The following PTPRD variants were observed in gnomAD, a reference collection of about 807,000 sequenced individuals.
PTPRD encodes receptor-type tyrosine-protein phosphatase delta.
PTPRD carries 34 observed loss-of-function variants against 214.5 expected under a neutral mutation model. The ratio of observed to expected loss-of-function variants is 0.16; its 90% CI spans 0.12 to 0.21. The LOEUF (loss-of-function observed/expected upper bound fraction) is 0.21, where lower values mean the gene tolerates loss of function less well. PTPRD is among the 10% of genes least tolerant of loss of function. The pLI, the probability that PTPRD is intolerant of heterozygous loss-of-function variation, is 1.00. For missense variants in PTPRD, 2,545 were observed against 2,398.7 expected (o/e 1.06, Z -1.27); for synonymous variants, 1,128 against 845.7 (o/e 1.33, Z -5.79).
intron 11 of PTPRD, among the ~76,000 whole-genome samples, chr9:8,972,242 T>A (rs1417864167): frequency 6.6e-6 from 1 of 151,926 alleles, no homozygotes; most frequent in Non-Finnish European, 1.5e-5. Flanking sequence ...AATAAATGCA[T>A]GTTAAATTTT....
At chr9:9,232,768 T>C (rs1186661751) in intron 9 of PTPRD, among the ~76,000 whole-genome samples, 2 of 152,238 alleles carry the variant, frequency 1.3e-5, no homozygotes, top group Middle Eastern at 3.4e-3. Flanking sequence ...TACTTTGAAC[T>C]AAAGGACATT....
chr9:10,565,262 A>T (rs2065242553), intron 2 of PTPRD, among the ~76,000 whole-genome samples: 1 of 152,144 alleles, frequency 6.6e-6, no homozygotes, highest in South Asian at 2.1e-4. Flanking sequence ...CATAAATTAG[A>T]TTATGAAAAT....
intron 2 of PTPRD, among the ~76,000 whole-genome samples, chr9:10,526,721 C>A (rs1370960621): frequency 1.3e-5 from 2 of 152,056 alleles, no homozygotes; most frequent in Non-Finnish European, 2.9e-5. Context: ...CTTCCACCCA[C>A]CCCTACTGGC....
chr9:8,691,585 A>G (rs534911029), intron 12 of PTPRD, among the ~76,000 whole-genome samples: 2 of 152,280 alleles, frequency 1.3e-5, no homozygotes, highest in East Asian at 1.9e-4. Flanking sequence ...TAAGAATTCT[A>G]TTGGATTTGA....
chr9:8,883,948 T>A (rs2098466357), intron 11 of PTPRD, among the ~76,000 whole-genome samples: 1 of 152,216 alleles, frequency 6.6e-6, no homozygotes, highest in Non-Finnish European at 1.5e-5. Flanking sequence ...AGAGAGACAC[T>A]ATTAGAAATG....
At chr9:8,433,664 A>T (rs917999749) in intron 35 of PTPRD, among the ~76,000 whole-genome samples, 25 of 152,206 alleles carry the variant, frequency 1.6e-4, no homozygotes, top group African/African-American at 6.0e-4. Context: ...CTTATAAAAT[A>T]AGGATATAAA....
chr9:8,760,071 C>A (rs1386855417), intron 11 of PTPRD, among the ~76,000 whole-genome samples: 1 of 152,162 alleles, frequency 6.6e-6, no homozygotes, highest in East Asian at 1.9e-4. Flanking sequence ...GCTGGGATTA[C>A]AGGCGTGCGC....
At chr9:9,422,684 G>A (rs1478388876) in intron 8 of PTPRD, among the ~76,000 whole-genome samples, 4 of 152,120 alleles carry the variant, frequency 2.6e-5, no homozygotes, top group African/African-American at 9.7e-5. Flanking sequence ...CTGTCAAATA[G>A]CTAGGGAGAC....
intron 8 of PTPRD, among the ~76,000 whole-genome samples, chr9:9,523,854 G>A (rs567661746): frequency 6.6e-6 from 1 of 151,898 alleles, no homozygotes; most frequent in Non-Finnish European, 1.5e-5. Context: ...TACTTTTGCC[G>A]GCCCATTACC....
At chr9:8,917,984 A>C (rs1163405582) in intron 11 of PTPRD, among the ~76,000 whole-genome samples, 1 of 152,176 alleles carries the variant, frequency 6.6e-6, no homozygotes, top group African/African-American at 2.4e-5. Flanking sequence ...ATTTTTAACA[A>C]GCAAGAGACA....
chr9:9,315,914 C>G (rs1477578579), intron 9 of PTPRD, among the ~76,000 whole-genome samples: 3 of 115,930 alleles, frequency 2.6e-5, no homozygotes, highest in African/African-American at 1.0e-4. Context: ...GAAAGCTTTT[C>G]TTGCGAATTT....
At chr9:8,998,905 G>C (rs1468961515) in intron 11 of PTPRD, among the ~76,000 whole-genome samples, 1 of 152,066 alleles carries the variant, frequency 6.6e-6, no homozygotes, top group Non-Finnish European at 1.5e-5. Context: ...TTCAGTGGAG[G>C]AAGTAACTGC....
intron 3 of PTPRD, among the ~76,000 whole-genome samples, chr9:10,275,664 G>T (rs1261797157): frequency 2.6e-5 from 4 of 152,128 alleles, no homozygotes; most frequent in Non-Finnish European, 4.4e-5. Context: ...TCAAATAGAG[G>T]TAGAAATTGC....
intron 11 of PTPRD, among the ~76,000 whole-genome samples, chr9:8,846,510 A>T (rs1440112557): frequency 1.3e-5 from 2 of 152,216 alleles, no homozygotes; most frequent in African/African-American, 4.8e-5. Context: ...TTTAGTGCCC[A>T]GAGAAAGGTA....
chr9:10,117,748 A>G (rs1037530846), intron 3 of PTPRD, among the ~76,000 whole-genome samples: 1 of 151,790 alleles, frequency 6.6e-6, no homozygotes, highest in Non-Finnish European at 1.5e-5. Context: ...AGGATTGGAC[A>G]TGTTTTTTGG....
intron 2 of PTPRD, among the ~76,000 whole-genome samples, chr9:10,528,205 AAAG>A (rs1286781493): frequency 6.6e-6 from 1 of 152,112 alleles, no homozygotes; most frequent in Non-Finnish European, 1.5e-5. Flanking sequence ...GAGGCCACAG[AAAG>A]AAGGAGTTAA....
chr9:9,941,150 G>C (rs944076619), intron 4 of PTPRD, among the ~76,000 whole-genome samples: 2 of 152,144 alleles, frequency 1.3e-5, no homozygotes, highest in African/African-American at 2.4e-5. Flanking sequence ...ATTCAAAGCC[G>C]TCCTGGGCCG....
At chr9:10,364,114 C>G (rs753827811) in intron 2 of PTPRD, among the ~76,000 whole-genome samples, 2 of 149,712 alleles carry the variant, frequency 1.3e-5, no homozygotes, top group African/African-American at 4.9e-5. Flanking sequence ...ATTCTCCTAC[C>G]TCAGCCTCCG....
intron 6 of PTPRD, among the ~76,000 whole-genome samples, chr9:9,736,907 C>T (rs1463749289): frequency 2.0e-5 from 3 of 151,980 alleles, no homozygotes; most frequent in Non-Finnish European, 4.4e-5. Context: ...CTTACTGTTT[C>T]TTACGTTGAA....
Sources: allele counts gnomAD v4.1 joint callset (sites outside exome capture counted in the v4.1 genomes callset), GRCh38; gene constraint gnomAD v4.1.1; transcripts MANE v1.5; gene names NCBI Gene and HGNC (gene_info 2026-07-23, HGNC 2026-07-21).